Variants in AFG2A observed in about 807,000 individuals in gnomAD.
The protein encoded by AFG2A is AAA ATPase AFG2A.
chr4:123,308,016 G>A, the AFG2A span, among the ~76,000 whole-genome samples: 46 of 152,298 alleles, frequency 3.0e-4, no homozygotes, highest in South Asian at 7.1e-3. Flanking sequence ...AGCAACACGT[G>A]ACTATATGTT....
At chr4:123,067,270 G>A in the AFG2A span, among the ~76,000 whole-genome samples, 1 of 152,112 alleles carries the variant, frequency 6.6e-6, no homozygotes, top group Non-Finnish European at 1.5e-5. Flanking sequence ...TGTAATCCCA[G>A]CACTTTGGGA....
chr4:123,113,587 A>G, the AFG2A span, among the ~76,000 whole-genome samples: 4 of 152,198 alleles, frequency 2.6e-5, no homozygotes, highest in Admixed American at 6.5e-5. Context: ...ATCAAACAAG[A>G]TTGTCAGTAA....
At chr4:123,198,587 C>T in the AFG2A span, among the ~76,000 whole-genome samples, 1 of 152,140 alleles carries the variant, frequency 6.6e-6, no homozygotes, top group Non-Finnish European at 1.5e-5. Context: ...GGACTTAACA[C>T]AGTCCTAAAA....
At chr4:123,249,106 T>C in the AFG2A span, among the ~76,000 whole-genome samples, 97 of 152,342 alleles carry the variant, frequency 6.4e-4, no homozygotes, top group African/African-American at 2.2e-3. Context: ...TTTAACCTTG[T>C]ATGCCAAATT....
the AFG2A span, among the ~76,000 whole-genome samples, chr4:123,273,523 T>A: frequency 6.6e-6 from 1 of 152,194 alleles, no homozygotes; most frequent in African/African-American, 2.4e-5. Context: ...GAAGATTTTT[T>A]AAATTGTAAA....
chr4:123,180,503 A>G, the AFG2A span, among the ~76,000 whole-genome samples: 1 of 152,012 alleles, frequency 6.6e-6, no homozygotes, highest in Admixed American at 6.6e-5. Context: ...GTGAGGAGGG[A>G]ATTATATCTC....
At chr4:123,285,390 C>T in the AFG2A span, among the ~76,000 whole-genome samples, 1 of 152,128 alleles carries the variant, frequency 6.6e-6, no homozygotes, top group Non-Finnish European at 1.5e-5. Context: ...CATTCTTAGG[C>T]TTTCCCTTCT....
chr4:123,241,173 A>AC, the AFG2A span, among the ~76,000 whole-genome samples: 1 of 152,228 alleles, frequency 6.6e-6, no homozygotes, highest in Non-Finnish European at 1.5e-5. Flanking sequence ...CCAGGACCAG[A>AC]CAGATTCACA....
chr4:123,067,290 G>A, the AFG2A span, among the ~76,000 whole-genome samples: 3 of 151,950 alleles, frequency 2.0e-5, no homozygotes, highest in South Asian at 2.1e-4. Context: ...AGGCTGAGGC[G>A]GGCGGATCAC....
the AFG2A span, among the ~76,000 whole-genome samples, chr4:123,243,786 G>A: frequency 1.6e-5 from 2 of 128,614 alleles, no homozygotes; most frequent in Non-Finnish European, 3.4e-5. Flanking sequence ...CCTGTAATCT[G>A]AGCAGGAGGA....
chr4:123,193,498 A>G, the AFG2A span, among the ~76,000 whole-genome samples: 3 of 152,216 alleles, frequency 2.0e-5, no homozygotes, highest in Non-Finnish European at 2.9e-5. Context: ...GTTAACAATA[A>G]CAATCTTTAC....
chr4:123,036,483 A>G, the AFG2A span, among the ~76,000 whole-genome samples: 1 of 152,130 alleles, frequency 6.6e-6, no homozygotes, highest in Non-Finnish European at 1.5e-5. Flanking sequence ...GCTCAAGAGG[A>G]TGATTATTTC....
At chr4:123,183,976 G>A in the AFG2A span, among the ~76,000 whole-genome samples, 1 of 127,748 alleles carries the variant, frequency 7.8e-6, no homozygotes, top group Non-Finnish European at 1.8e-5. Context: ...ATTCATTTAT[G>A]GTAGAGATGG....
At chr4:123,175,383 A>G in the AFG2A span, among the ~76,000 whole-genome samples, 3 of 152,216 alleles carry the variant, frequency 2.0e-5, no homozygotes, top group African/African-American at 7.2e-5. Context: ...GTCTAAGTGT[A>G]TAAAGAGAGA....
At chr4:123,185,857 C>CTCCA in the AFG2A span, among the ~76,000 whole-genome samples, 1 of 151,646 alleles carries the variant, frequency 6.6e-6, no homozygotes, top group Non-Finnish European at 1.5e-5. Context: ...CGCCACTGCA[C>CTCCA]TCCAGCCTGA....
chr4:123,294,731 A>G, the AFG2A span, among the ~76,000 whole-genome samples: 1 of 152,238 alleles, frequency 6.6e-6, no homozygotes, highest in Admixed American at 6.5e-5. Context: ...CCTGAGCTAA[A>G]GATGAATATT....
At chr4:122,977,337 C>T in the AFG2A span, among the ~76,000 whole-genome samples, 13 of 152,336 alleles carry the variant, frequency 8.5e-5, no homozygotes, top group East Asian at 2.1e-3. Context: ...TGAGTGAGCC[C>T]GAGGTCCGGC....
the AFG2A span, among the ~76,000 whole-genome samples, chr4:123,007,641 C>CAA: frequency 3.1e-4 from 5 of 16,214 alleles, no homozygotes; most frequent in African/African-American, 6.4e-4. Context: ...CACACACACA[C>CAA]AACACACACA....
chr4:123,001,514 C>G, the AFG2A span, among the ~76,000 whole-genome samples: 1 of 149,672 alleles, frequency 6.7e-6, no homozygotes, highest in Non-Finnish European at 1.5e-5. Flanking sequence ...TCTTTGTTCT[C>G]GTTGGTTTCA....
Sources: allele counts gnomAD v4.1 joint callset (sites outside exome capture counted in the v4.1 genomes callset), GRCh38; gene constraint gnomAD v4.1.1; transcripts MANE v1.5; gene names NCBI Gene and HGNC (gene_info 2026-07-23, HGNC 2026-07-21).